The following GMEB2 variants were observed in gnomAD, a reference collection of about 807,000 sequenced individuals.
GMEB2 encodes the protein glucocorticoid modulatory element binding protein 2.
Under a neutral mutation model 45.7 loss-of-function variants are expected in GMEB2, and 7 were observed. That is an observed-to-expected ratio of 0.15 (90% CI 0.09 to 0.29). The LOEUF (loss-of-function observed/expected upper bound fraction) is 0.29, where lower values mean the gene tolerates loss of function less well. Among genes scored for constraint, GMEB2 ranks in the 10% least tolerant of loss-of-function variants. The probability of loss-of-function intolerance (pLI) is 1.00; values close to 1 mark genes in which losing one functional copy is unlikely to be tolerated. For synonymous variants in GMEB2, 322 were observed against 323.6 expected, an observed-to-expected ratio of 1.00 and a Z score of 0.05; for missense variants, 582 against 739.2, an observed-to-expected ratio of 0.79 and a Z score of 2.47.
Position 63,589,914 on chromosome 20 carries a change from G to A in GMEB2, c.*175C>T, listed in dbSNP as rs1351541085. The A allele has an allele frequency of 6.6e-6, 3 of 456,492 alleles. No individual in the cohort carries two copies. The highest frequency in any genetic ancestry group is 1.1e-5 in the Non-Finnish European group (3 of 264,852). The allele number at this position is 456,492 out of a possible 1,614,324, so 28.3% of individuals were successfully genotyped here. A position where few individuals can be genotyped will look rare whatever the true frequency, so the allele number is the denominator to read the frequency against. On this transcript the variant is annotated 3_prime_UTR_variant, in exon 10 of 10. Transcript: ENST00000370077. ...AAGACCGATTTTCCAGGTTGCTCTC[G>A]CTGTTCTGTCCCCTTCTCTCTTCTC...
chr20:63,597,211 T>C (rs1401910362), intron 5 of GMEB2, among the ~76,000 whole-genome samples: 6 of 146,250 alleles, frequency 4.1e-5, no homozygotes, highest in African/African-American at 1.5e-4. Flanking sequence ...ACCCAAGCTG[T>C]ATTGCAGTGG....
chr20:63,615,421 G>C (rs1011475796), intron 2 of GMEB2, among the ~76,000 whole-genome samples: 1 of 152,036 alleles, frequency 6.6e-6, no homozygotes, highest in African/African-American at 2.4e-5. Flanking sequence ...ACCTCTCTCA[G>C]GCTCAAGCAA....
chr20:63,606,731 A>G (rs1441626391), intron 2 of GMEB2, among the ~76,000 whole-genome samples: 1 of 152,230 alleles, frequency 6.6e-6, no homozygotes, highest in African/African-American at 2.4e-5. Context: ...ATTTCCTGAT[A>G]TGACATAAAG....
intron 1 of GMEB2, among the ~76,000 whole-genome samples, chr20:63,625,802 T>C (rs1213929826): frequency 6.6e-6 from 1 of 152,080 alleles, no homozygotes; most frequent in Non-Finnish European, 1.5e-5. Flanking sequence ...TTCACCGTGT[T>C]AGCCAGGCTG....
intron 5 of GMEB2, among the ~76,000 whole-genome samples, chr20:63,596,523 C>T (rs1025455897): frequency 3.9e-5 from 6 of 152,236 alleles, no homozygotes; most frequent in African/African-American, 1.4e-4. Context: ...CGGTGGTCCC[C>T]ACAGCTGTGC....
At position 63,624,714 on chromosome 20, in the gene GMEB2, T is replaced by C. The variant is rs566209282; in HGVS notation, c.-58+2242A>G. The stretch of plus-strand genomic sequence containing the variant: ...CCATTGGCAACTGCATACATACATA[T>C]ATTCTTTTTTTGAGACGGAGTCTCG... On this transcript the variant is annotated intron_variant, in intron 1 of 9. Coordinates refer to ENST00000370077, the MANE Select transcript of GMEB2 (RefSeq NM_012384.5). Among the ~76,000 whole-genome samples, 226 of 152,286 alleles carry C rather than the reference T, an allele frequency of 1.5e-3. 2 individuals are homozygous for C. The highest frequency in any genetic ancestry group is 5.1e-3 in the African/African-American group (212 of 41,568).
intron 2 of GMEB2, among the ~76,000 whole-genome samples, chr20:63,616,068 A>G (rs190874952): frequency 3.3e-5 from 5 of 152,214 alleles, no homozygotes; most frequent in Admixed American, 3.3e-4. Context: ...ATAATTTTCT[A>G]CCATATATAT....
At position 63,593,859 on chromosome 20, in the gene GMEB2, T is replaced by G. The variant is rs956238228; in HGVS notation, c.620-777A>C. ...CAACACGGCAAAACCCCGTCTCTAC[T>G]AAAATACAAAGTCAACCGGGTGTGG... On this transcript the variant is annotated intron_variant, in intron 6 of 9. Transcript: ENST00000370077. The surrounding 1 kb of genome is among the most constrained non-coding windows in gnomAD (Gnocchi z 4.7). Among the ~76,000 whole-genome samples, 5 of 152,152 alleles carry G rather than the reference T, an allele frequency of 3.3e-5. No individual in the cohort carries two copies. Among genetic ancestry groups the G allele is most frequent in the Admixed American group, 6.6e-5 (1 of 15,260 alleles).
intron 2 of GMEB2, among the ~76,000 whole-genome samples, chr20:63,610,724 C>T (rs576525864): frequency 6.6e-6 from 1 of 152,326 alleles, no homozygotes; most frequent in Non-Finnish European, 1.5e-5. Flanking sequence ...GCCACTGTCC[C>T]GCGAGGGCAG....
intron 1 of GMEB2, among the ~76,000 whole-genome samples, chr20:63,626,004 G>A (rs1337503820): frequency 6.6e-6 from 1 of 152,256 alleles, no homozygotes; most frequent in African/African-American, 2.4e-5. Context: ...TGGTTCAACA[G>A]AAAAGTCAGT....
At chr20:63,620,151 G>C (rs1485357670) in intron 1 of GMEB2, among the ~76,000 whole-genome samples, 1 of 152,136 alleles carries the variant, frequency 6.6e-6, no homozygotes, top group Admixed American at 6.5e-5. Flanking sequence ...CACTCACCTC[G>C]GCCTCCCAAA....
At chr20:63,607,292 C>T (rs200735349) in intron 2 of GMEB2, among the ~76,000 whole-genome samples, 204 of 95,786 alleles carry the variant, frequency 2.1e-3, no homozygotes, top group South Asian at 6.6e-3. Flanking sequence ...TAGAAACATG[C>T]CCCTCTGACC....
intron 2 of GMEB2, among the ~76,000 whole-genome samples, chr20:63,609,104 A>AC (rs397934091): frequency 3.0e-5 from 3 of 98,694 alleles, no homozygotes; most frequent in Admixed American, 1.0e-4. Flanking sequence ...TGCCCCTCTG[A>AC]CCCACCTCCA....
chr20:63,621,667 CAAAAAAAAAAAAA>C (rs56222018), intron 1 of GMEB2, among the ~76,000 whole-genome samples: 1,564 of 54,602 alleles, frequency 0.029, 22 homozygotes, highest in South Asian at 0.036. Flanking sequence ...AACTCCATCT[CAAAAAAAAAAAAA>C]AAAAAAAAAA....
At chr20:63,613,118 G>A (rs111979845) in intron 2 of GMEB2, among the ~76,000 whole-genome samples, 8 of 152,062 alleles carry the variant, frequency 5.3e-5, no homozygotes, top group African/African-American at 1.9e-4. Flanking sequence ...CCTGCCATTG[G>A]GTGTTTTCTT....
chr20:63,621,098 G>A (rs1006353483), intron 1 of GMEB2, among the ~76,000 whole-genome samples: 9 of 152,210 alleles, frequency 5.9e-5, no homozygotes, highest in Non-Finnish European at 1.2e-4. Flanking sequence ...CTCGGAAGGC[G>A]GGGCTGGAGG....
intron 2 of GMEB2, among the ~76,000 whole-genome samples, chr20:63,607,122 T>C (rs1166678840): frequency 6.9e-6 from 1 of 144,048 alleles, no homozygotes. Context: ...TCTAGAAACA[T>C]GCACATATGA....
At position 63,598,001 on chromosome 20, in the gene GMEB2, G is replaced by A. The variant is rs2083212588; in HGVS notation, c.358-141C>T. 9.7e-6 allele frequency: 6 copies of A among 615,690 alleles called. No individual in the cohort carries two copies. The South Asian group carries it at 1.1e-4, about 11-fold the overall frequency. 38.1% of individuals were successfully genotyped at this position (615,690 alleles called of 1,614,324 possible). A position where few individuals can be genotyped will look rare whatever the true frequency, so the allele number is the denominator to read the frequency against. ...CTCTGACCGGTGCAGGCCTCCTACAGAGCATTCAGGTAAAACAAGGACATG... is the reference window on the plus strand; with the variant it reads ...CTCTGACCGGTGCAGGCCTCCTACAAAGCATTCAGGTAAAACAAGGACATG... On this transcript the variant is annotated intron_variant, in intron 4 of 9. Transcript: ENST00000370077.
intron 2 of GMEB2, among the ~76,000 whole-genome samples, chr20:63,613,752 T>TCCACC (rs2089587488): frequency 6.6e-6 from 1 of 152,164 alleles, no homozygotes; most frequent in Non-Finnish European, 1.5e-5. Flanking sequence ...TGACAAGTGA[T>TCCACC]CCACCCACCC....
Sources: gnomAD v4.1 joint callset for allele counts (sites outside exome capture counted in the v4.1 genomes callset) on GRCh38, gnomAD v4.1.1 for gene constraint, Gnocchi (gnomAD v3.1) non-coding constraint, MANE v1.5 for transcripts, NCBI Gene and HGNC (gene_info 2026-07-23, HGNC 2026-07-21) for gene names.